Variants in RAP1GAP2 observed in about 807,000 individuals in gnomAD.
RAP1GAP2 encodes rap1 GTPase-activating protein 2.
A neutral mutation model predicts 95.0 loss-of-function variants in RAP1GAP2; 27 were observed. The observed-to-expected ratio is 0.28, with a 90% CI of 0.21 to 0.39. RAP1GAP2 has a LOEUF of 0.39. Ranked by LOEUF, RAP1GAP2 falls within the 10% of genes least tolerant of loss-of-function variation. RAP1GAP2 has a pLI of 1.00. For synonymous variants in RAP1GAP2, 373 were observed against 380.9 expected (o/e 0.98, Z 0.24); for missense variants, 771 against 970.0 (o/e 0.79, Z 2.72).
intron 1 of RAP1GAP2, among the ~76,000 whole-genome samples, chr17:2,769,232 TAAAAAAAAAAAAAAAAAAAA>T (rs58436827): frequency 0.017 from 750 of 42,882 alleles, 11 homozygotes; most frequent in Non-Finnish European, 0.022. Flanking sequence ...ACCATTTCTC[TAAAAAAAAAAAAAAAAAAAA>T]AAAAAAAAAA....
intron 3 of RAP1GAP2, 55 bp from the exon 4 acceptor site, chr17:2,957,704 C>A: frequency 6.4e-7 from 1 of 1,566,050 alleles, no homozygotes; most frequent in Non-Finnish European, 8.7e-7. Context: ...GAGGCTTTTG[C>A]TGTGGACCTC....
chr17:2,946,496 T>C (rs1457617799), intron 3 of RAP1GAP2, among the ~76,000 whole-genome samples: 1 of 152,196 alleles, frequency 6.6e-6, no homozygotes, highest in East Asian at 1.9e-4. Context: ...CCTGAAGTCA[T>C]TGGCATCTTC....
At chr17:2,782,814 G>A (rs544853821) in intron 1 of RAP1GAP2, among the ~76,000 whole-genome samples, 1 of 152,222 alleles carries the variant, frequency 6.6e-6, no homozygotes, top group African/African-American at 2.4e-5. Context: ...TCAGGAGTTC[G>A]TGACCAGCCT....
intron 8 of RAP1GAP2, among the ~76,000 whole-genome samples, chr17:2,967,015 G>A (rs567644089): frequency 4.0e-4 from 61 of 152,270 alleles, no homozygotes; most frequent in African/African-American, 1.4e-3. Flanking sequence ...ATCTATGGGG[G>A]CAGTTAGGAC....
intron 12 of RAP1GAP2, among the ~76,000 whole-genome samples, chr17:2,992,937 T>C (rs1421276484): frequency 6.6e-6 from 1 of 151,652 alleles, no homozygotes; most frequent in East Asian, 1.9e-4. Context: ...AGGGCTGGGC[T>C]CAGTGGCTCA....
intron 3 of RAP1GAP2, among the ~76,000 whole-genome samples, chr17:2,920,393 T>C (rs1013231244): frequency 2.7e-5 from 4 of 150,842 alleles, no homozygotes; most frequent in Admixed American, 2.0e-4. Context: ...GCCCCAGGCA[T>C]GCCACCTGCC....
At chr17:2,858,273 C>G (rs1486005396) in intron 2 of RAP1GAP2, among the ~76,000 whole-genome samples, 1 of 152,110 alleles carries the variant, frequency 6.6e-6, no homozygotes, top group Non-Finnish European at 1.5e-5. Flanking sequence ...GATATGGATT[C>G]TCTCATCATT....
chr17:2,799,938 C>A (rs1004999017), intron 1 of RAP1GAP2, among the ~76,000 whole-genome samples: 1 of 152,168 alleles, frequency 6.6e-6, no homozygotes, highest in African/African-American at 2.4e-5. Flanking sequence ...TGATCTTCCC[C>A]GCTCTGAACC....
chr17:2,827,930 G>A lies in RAP1GAP2; in HGVS notation c.80+27380G>A, dbSNP rs2070649734. The stretch of plus-strand genomic sequence containing the variant: ...CGTGGCAGAGGCTCTCAGGCTGGAG[G>A]CCAGCTACTGCTCCGGCCAGCCCTT... On this transcript the variant is annotated intron_variant, in intron 2 of 24. Transcript: ENST00000254695. The surrounding 1 kb of genome is among the most constrained non-coding windows in gnomAD (Gnocchi z 4.1). Among the ~76,000 whole-genome samples, 1 of 152,228 alleles carries A rather than the reference G, an allele frequency of 6.6e-6. No homozygotes were observed. Among genetic ancestry groups the A allele is most frequent in the Non-Finnish European group, 1.5e-5 (1 of 68,038 alleles).
At position 3,035,916 on chromosome 17, in the gene RAP1GAP2, C is replaced by G. The variant is rs1338283136; in HGVS notation, c.*2555C>G. ...AACCTCATTGGCCCTCGTGACTAGGCTCATCTAGATGGTGCTCACGCTGGT... is the reference window on the plus strand; with the variant it reads ...AACCTCATTGGCCCTCGTGACTAGGGTCATCTAGATGGTGCTCACGCTGGT... On this transcript the variant is annotated 3_prime_UTR_variant, in exon 25 of 25. Coordinates refer to ENST00000254695, the MANE Select transcript of RAP1GAP2 (RefSeq NM_015085.5). This position sits in a 1 kb window ranked among gnomAD's most constrained non-coding sequence, Gnocchi z 4.3. 6.6e-6 allele frequency: 1 copy of G among 152,276 alleles called. No homozygotes were observed. Among genetic ancestry groups the G allele is most frequent in the Admixed American group, 6.5e-5 (1 of 15,280 alleles). The allele number at this position is 152,276 out of a possible 1,614,324, so 9.4% of individuals were successfully genotyped here.
At chr17:2,909,332 A>T (rs1040754157) in intron 3 of RAP1GAP2, among the ~76,000 whole-genome samples, 1 of 152,094 alleles carries the variant, frequency 6.6e-6, no homozygotes, top group Non-Finnish European at 1.5e-5. Context: ...GCGGCCTGGC[A>T]GTTGCAGGGG....
intron 2 of RAP1GAP2, among the ~76,000 whole-genome samples, chr17:2,897,791 C>T (rs1168575651): frequency 1.3e-5 from 2 of 152,154 alleles, no homozygotes; most frequent in Non-Finnish European, 1.5e-5. Flanking sequence ...CCAGCCTCCA[C>T]GTGCTTGTCT....
chr17:3,025,945 C>A (rs534606796), intron 19 of RAP1GAP2, 63 bp from the exon 20 acceptor site: 13 of 1,250,632 alleles, frequency 1.0e-5, no homozygotes, highest in Non-Finnish European at 2.3e-6. Context: ...TGCCTGGGGC[C>A]GTGGATGGGG....
chr17:2,973,910 T>G (rs750778954), intron 8 of RAP1GAP2, among the ~76,000 whole-genome samples: 1 of 152,106 alleles, frequency 6.6e-6, no homozygotes, highest in Non-Finnish European at 1.5e-5. Flanking sequence ...TTTTAAAAAT[T>G]TAAAAGAATT....
chr17:2,966,347 T>C (rs1373928251), intron 8 of RAP1GAP2, among the ~76,000 whole-genome samples: 2 of 152,218 alleles, frequency 1.3e-5, no homozygotes, highest in Non-Finnish European at 2.9e-5. Flanking sequence ...ATTTTAGCAA[T>C]ATGCACAGGT....
exon 1 of RAP1GAP2, chr17:2,755,742 G>C: frequency 5.7e-6 from 2 of 350,136 alleles, no homozygotes; most frequent in Non-Finnish European, 1.0e-5. Context: ...GGCGCCGGGG[G>C]AGAAGCGCTG....
chr17:2,771,567 C>T (rs1345055802), intron 2 of RAP1GAP2, among the ~76,000 whole-genome samples: 4 of 146,538 alleles, frequency 2.7e-5, no homozygotes, highest in African/African-American at 1.0e-4. Flanking sequence ...GATCTTGGCT[C>T]ACTGCAACCT....
intron 17 of RAP1GAP2, among the ~76,000 whole-genome samples, chr17:3,015,161 A>G (rs1336131893): frequency 4.6e-5 from 7 of 152,084 alleles, no homozygotes; most frequent in Non-Finnish European, 8.8e-5. Flanking sequence ...TGTTTTAACC[A>G]TGCGGTAGGA....
intron 3 of RAP1GAP2, among the ~76,000 whole-genome samples, chr17:2,954,613 A>G (rs1005606695): frequency 6.6e-6 from 1 of 151,876 alleles, no homozygotes; most frequent in African/African-American, 2.4e-5. Context: ...TTATTTACTG[A>G]GAGGCAGTCT....
Sources: gnomAD v4.1 joint callset for allele counts (sites outside exome capture counted in the v4.1 genomes callset) on GRCh38, gnomAD v4.1.1 for gene constraint, Gnocchi (gnomAD v3.1) non-coding constraint, MANE v1.5 for transcripts, NCBI Gene and HGNC (gene_info 2026-07-23, HGNC 2026-07-21) for gene names.